The following KIF1A variants were observed in gnomAD, a reference collection of about 807,000 sequenced individuals.
KIF1A encodes the protein kinesin family member 1A.
Under a neutral mutation model 227.3 loss-of-function variants are expected in KIF1A, and 46 were observed. That is an observed-to-expected ratio of 0.20 (90% CI 0.16 to 0.26). The LOEUF (loss-of-function observed/expected upper bound fraction) is 0.26, where lower values mean the gene tolerates loss of function less well. Among genes scored for constraint, KIF1A ranks in the 10% least tolerant of loss-of-function variants. KIF1A has a pLI of 1.00. For synonymous variants in KIF1A, 1,022 were observed against 1,012.8 expected (o/e 1.01, Z -0.17); for missense variants, 1,683 against 2,485.9 (o/e 0.68, Z 6.87).
intron 38 of KIF1A, among the ~76,000 whole-genome samples, chr2:240,733,309 G>A (rs564773031): frequency 1.3e-5 from 2 of 152,170 alleles, no homozygotes; most frequent in South Asian, 4.1e-4. Context: ...AGGCAGGCCA[G>A]CTGACTCCAG....
chr2:240,809,398 C>T (rs562418709), intron 1 of KIF1A, among the ~76,000 whole-genome samples: 19 of 152,256 alleles, frequency 1.2e-4, no homozygotes, highest in South Asian at 1.2e-3. Context: ...GAGGCCATCA[C>T]GAGTGCAACA....
At chr2:240,799,296 G>A (rs1234111048) in intron 1 of KIF1A, among the ~76,000 whole-genome samples, 4 of 152,226 alleles carry the variant, frequency 2.6e-5, no homozygotes, top group African/African-American at 4.8e-5. Flanking sequence ...CAGGGCAGAC[G>A]CTGAACTCCT....
intron 48 of KIF1A, 102 bp downstream of exon 48, chr2:240,717,948 G>A: frequency 1.3e-6 from 1 of 765,000 alleles, no homozygotes; most frequent in Non-Finnish European, 2.3e-6. Flanking sequence ...CCCTGGGAGA[G>A]CAGTCTTGTC....
chr2:240,787,458 G>C (rs959299058), intron 4 of KIF1A, 142 bp from the exon 5 acceptor site: 38 of 718,872 alleles, frequency 5.3e-5, no homozygotes, highest in Middle Eastern at 6.7e-4. Context: ...ACACGTCATG[G>C]TAAAGGCACT....
At chr2:240,730,906 C>T (rs913712225) in intron 38 of KIF1A, among the ~76,000 whole-genome samples, 5 of 152,190 alleles carry the variant, frequency 3.3e-5, no homozygotes, top group Admixed American at 3.3e-4. Flanking sequence ...GCAGCATGAG[C>T]CTGCTCTGTA....
Position 240,789,407 on chromosome 2 carries a change from C to T in KIF1A, c.107-95G>A. On this transcript the variant is annotated intron_variant, in intron 2 of 48. Transcript: ENST00000498729. This position sits in a 1 kb window ranked among gnomAD's most constrained non-coding sequence, Gnocchi z 4.8. ...AAGGTGGGGAGATGGTCTTAAGAGG[C>T]CTCGGGCCCCAGACAAGCCAGGCCC... 1.9e-6 allele frequency: 2 copies of T among 1,049,330 alleles called. No individual in the cohort carries two copies. The highest frequency in any genetic ancestry group is 2.9e-6 in the Non-Finnish European group (2 of 680,476). 65.0% of individuals were successfully genotyped at this position (1,049,330 alleles called of 1,614,324 possible).
rs1427719880 is a variant in KIF1A at position 240,739,971 on chromosome 2, G to C, written c.3901+87C>G. The C allele has an allele frequency of 4.4e-5, 46 of 1,044,466 alleles. No individual in the cohort carries two copies. In the Admixed American group the frequency reaches 8.9e-4, roughly 20 times the overall value. 64.7% of individuals were successfully genotyped at this position (1,044,466 alleles called of 1,614,324 possible). On this transcript the variant is annotated intron_variant, in intron 37 of 48. Transcript: ENST00000498729. The surrounding 1 kb of genome is among the most constrained non-coding windows in gnomAD (Gnocchi z 5.6). ...ACGCAGCAACAGACGCAGAGGTGTG[G>C]TTAGAACCCGGGTATCCAGCTCAGG... is the stretch of plus-strand genomic sequence containing the variant.
rs1337939823 is a variant in KIF1A, at chr2:240,766,842, G to A, written c.1684+73C>T. 9.9e-7 allele frequency: 1 copy of A among 1,010,284 alleles called. No individual in the cohort carries two copies. Among genetic ancestry groups the A allele is most frequent in the Non-Finnish European group, 1.5e-6 (1 of 671,176 alleles). 62.6% of individuals were successfully genotyped at this position (1,010,284 alleles called of 1,614,324 possible). ...CTTAGTGCTGGGTAAGCTGGGAGAGGGTGACCTCATTCAGGCCTGATCATC... is the reference window on the plus strand; with the variant it reads ...CTTAGTGCTGGGTAAGCTGGGAGAGAGTGACCTCATTCAGGCCTGATCATC... On this transcript the variant is annotated intron_variant, in intron 19 of 48. Transcript: ENST00000498729. This position sits in a 1 kb window ranked among gnomAD's most constrained non-coding sequence, Gnocchi z 5.0.
Position 240,739,964 on chromosome 2 carries a change from A to G in KIF1A, c.3901+94T>C. ...CAGGGTCACGCAGCAACAGACGCAG[A>G]GGTGTGGTTAGAACCCGGGTATCCA... On this transcript the variant is annotated intron_variant, in intron 37 of 48. Coordinates refer to ENST00000498729, the MANE Select transcript of KIF1A (RefSeq NM_001244008.2). The surrounding 1 kb of genome is among the most constrained non-coding windows in gnomAD (Gnocchi z 5.6). 1.1e-6 allele frequency: 1 copy of G among 897,796 alleles called. No individual in the cohort carries two copies. Among genetic ancestry groups the G allele is most frequent in the Admixed American group, 2.0e-5 (1 of 48,848 alleles). The allele number at this position is 897,796 out of a possible 1,614,324, so 55.6% of individuals were successfully genotyped here.
intron 43 of KIF1A, among the ~76,000 whole-genome samples, chr2:240,722,233 T>C (rs1212290954): frequency 6.6e-6 from 1 of 152,150 alleles, no homozygotes; most frequent in East Asian, 1.9e-4. Context: ...AAGAGAGTGA[T>C]TCATCGCTTG....
chr2:240,757,706 C>G lies in KIF1A; in HGVS notation c.2583-112G>C. ...CTGTTTAAAACCAAAACCAAACACACAGACCATCGAGAATGCTGCTTTAAA... is the reference window on the plus strand; with the variant it reads ...CTGTTTAAAACCAAAACCAAACACAGAGACCATCGAGAATGCTGCTTTAAA... On this transcript the variant is annotated intron_variant, in intron 26 of 48. Transcript: ENST00000498729. The surrounding 1 kb of genome is among the most constrained non-coding windows in gnomAD (Gnocchi z 6.2). 1 of 998,986 alleles carries G rather than the reference C, an allele frequency of 1.0e-6. No homozygotes were observed. Among genetic ancestry groups the G allele is most frequent in the Non-Finnish European group, 1.5e-6 (1 of 685,196 alleles). The allele number at this position is 998,986 out of a possible 1,614,324, so 61.9% of individuals were successfully genotyped here.
chr2:240,767,292 G>C lies in KIF1A; in HGVS notation c.1551C>G (p.Leu517=). 1.2e-6 allele frequency: 2 copies of C among 1,613,630 alleles called. No homozygotes were observed. Among genetic ancestry groups the C allele is most frequent in the Non-Finnish European group, 1.7e-6 (2 of 1,179,868 alleles). ...TGGTGATCCCATCCTTGATGTAGTA[G>C]AGCAGGCACTCAGACATCAGCGGGT... is the stretch of plus-strand genomic sequence containing the variant. ...NEDPLMSECL[L]YYIKDGITRV... is the part of the protein sequence containing the mutation. The change falls in exon 18 of 49, where the codon CTC becomes CTG. Residue 517 remains leucine, a synonymous_variant. Coordinates refer to ENST00000498729, the MANE Select transcript of KIF1A (RefSeq NM_001244008.2).
intron 41 of KIF1A, 125 bp downstream of exon 41, chr2:240,723,850 C>G (rs2045684802): frequency 4.5e-6 from 4 of 890,248 alleles, no homozygotes; most frequent in African/African-American, 1.6e-5. Context: ...CCAGAAGCCA[C>G]AAGGTGAGTG....
chr2:240,766,749 TCACA>T lies in KIF1A; in HGVS notation c.1684+162_1684+165del, dbSNP rs55815321. On this transcript the variant is annotated intron_variant, in intron 19 of 48. Transcript: ENST00000498729. The surrounding 1 kb of genome is among the most constrained non-coding windows in gnomAD (Gnocchi z 5.0). ...CTCTCTCTCTCTCTCTCTCTCTCTC[TCACA>T]CACACACACACACACACACACACAC... Among the ~76,000 whole-genome samples, 73 of 109,022 alleles carry T rather than the reference TCACA, an allele frequency of 6.7e-4. 1 individual carries two copies. In the South Asian group the frequency reaches 7.4e-3, roughly 11 times the overall value. 71.5% of individuals were successfully genotyped at this position (109,022 alleles called of 152,430 possible).
intron 27 of KIF1A, among the ~76,000 whole-genome samples, chr2:240,754,026 AG>A (rs1279312609): frequency 1.3e-5 from 2 of 152,212 alleles, no homozygotes; most frequent in Non-Finnish European, 2.9e-5. Flanking sequence ...TGATTGATTA[AG>A]CAGATCGATT....
At chr2:240,785,128 A>AC in intron 6 of KIF1A, 28 bp from the exon 7 acceptor site, 2 of 1,578,308 alleles carry the variant, frequency 1.3e-6, no homozygotes, top group South Asian at 2.2e-5. Flanking sequence ...ACGCACGGTT[A>AC]CCCCTCGTCC....
chr2:240,811,866 T>C (rs1054418620), intron 1 of KIF1A, among the ~76,000 whole-genome samples: 1 of 152,032 alleles, frequency 6.6e-6, no homozygotes, highest in African/African-American at 2.4e-5. Flanking sequence ...TCTGAGGCTC[T>C]GACTAGACCC....
intron 37 of KIF1A, among the ~76,000 whole-genome samples, chr2:240,738,283 C>T (rs1021875472): frequency 3.9e-5 from 6 of 152,216 alleles, no homozygotes; most frequent in Non-Finnish European, 7.4e-5. Context: ...AGGGGTTGGG[C>T]TGGGGTCCTG....
At chr2:240,751,771 C>T (rs1377902421) in intron 27 of KIF1A, among the ~76,000 whole-genome samples, 1 of 152,130 alleles carries the variant, frequency 6.6e-6, no homozygotes, top group Non-Finnish European at 1.5e-5. Flanking sequence ...CCCTGCCTCC[C>T]CAGCACAGTC....
Sources: gnomAD v4.1 joint callset for allele counts (sites outside exome capture counted in the v4.1 genomes callset) on GRCh38, gnomAD v4.1.1 for gene constraint, Gnocchi (gnomAD v3.1) non-coding constraint, MANE v1.5 for transcripts, NCBI Gene and HGNC (gene_info 2026-07-23, HGNC 2026-07-21) for gene names.